Variants in ZNF799 observed in about 807,000 individuals in gnomAD.
ZNF799 encodes the protein zinc finger protein 799, also known as zinc finger protein 14.
Under a neutral mutation model 41.0 loss-of-function variants are expected in ZNF799, and 28 were observed. The observed-to-expected ratio is 0.68, with a 90% CI of 0.51 to 0.94. The LOEUF is 0.94. Ranked by LOEUF, ZNF799 falls within the 40% of genes least tolerant of loss-of-function variation. ZNF799 has a pLI of 0.00. For synonymous variants in ZNF799, 213 were observed against 252.9 expected (o/e 0.84, Z 1.50); for missense variants, 716 against 764.3 (o/e 0.94, Z 0.74).
chr19:12,404,981 G>T (rs997567910), upstream of ZNF799, among the ~76,000 whole-genome samples: 3 of 152,048 alleles, frequency 2.0e-5, no homozygotes, highest in Admixed American at 1.3e-4. Context: ...TAATCTGGTG[G>T]GCACAATCTA....
chr19:12,400,790 A>C (rs1323932726), intron 1 of ZNF799: 1 of 583,762 alleles, frequency 1.7e-6, no homozygotes, highest in African/African-American at 2.0e-5. Context: ...TGTGTTGCTT[A>C]CAGCCGCACA....
chr19:12,412,636 C>T, the ZNF799 span, among the ~76,000 whole-genome samples: 258 of 151,856 alleles, frequency 1.7e-3, no homozygotes, highest in African/African-American at 5.8e-3. Context: ...ATTATTAGGC[C>T]CCGACCAGGA....
At chr19:12,394,651 C>T in intron 1 of ZNF799, 1 of 985,048 alleles carries the variant, frequency 1.0e-6, no homozygotes, top group Non-Finnish European at 1.2e-6. Flanking sequence ...TTGAGTAACG[C>T]CAAAGGGGAA....
chr19:12,405,167 G>GC (rs1236520607), upstream of ZNF799, among the ~76,000 whole-genome samples: 2 of 151,990 alleles, frequency 1.3e-5, no homozygotes, highest in Non-Finnish European at 2.9e-5. Context: ...TTTGCAGACA[G>GC]CCTATTGTGG....
upstream of ZNF799, among the ~76,000 whole-genome samples, chr19:12,405,385 A>C (rs192317445): frequency 2.4e-4 from 36 of 152,308 alleles, no homozygotes; most frequent in Non-Finnish European, 4.0e-4. Flanking sequence ...CCATGCATGC[A>C]CAGGAAAGAA....
chr19:12,392,124 C>T lies in ZNF799; in HGVS notation c.274G>A (p.Val92Met), dbSNP rs1328982864. The part of the protein sequence containing the change: ...ETSSQIQDSI[V>M]TKNTLPGVGP... The stretch of plus-strand genomic sequence containing the variant: ...ACTCCAGGAAGAGTGTTCTTGGTCA[C>T]AATACTATCTTGAATCTGGCTAGAT... Residue 92 changes from valine (V) to methionine (M), a missense_variant, in exon 4 of 4, where the codon GTG (valine) becomes ATG (methionine). By Grantham distance (21) the Val-to-Met change is conservative. Around this residue, in one of 2 missense-constraint regions of ZNF799, gnomAD observed 698 missense variants for 713.6 expected, o/e 0.98. Transcript: ENST00000430385. 3.7e-6 allele frequency: 6 copies of T among 1,614,040 alleles called. No homozygotes were observed. Among genetic ancestry groups the T allele is most frequent in the Non-Finnish European group, 5.1e-6 (6 of 1,179,922 alleles).
At chr19:12,413,757 G>C in the ZNF799 span, among the ~76,000 whole-genome samples, 1 of 151,502 alleles carries the variant, frequency 6.6e-6, no homozygotes, top group Non-Finnish European at 1.5e-5. Flanking sequence ...GGGACTTACT[G>C]TGACCCCTAT....
chr19:12,391,001 T>G lies in ZNF799; in HGVS notation c.1397A>C (p.His466Pro). The G allele has an allele frequency of 6.2e-7, 1 of 1,614,178 alleles. No homozygotes were observed. Among genetic ancestry groups the G allele is most frequent in the Non-Finnish European group, 8.5e-7 (1 of 1,180,006 alleles). The change falls in exon 4 of 4, where the codon CAC (histidine) becomes CCC (proline). Residue 466 changes from histidine to proline, a missense_variant. Physicochemically the swap from His to Pro is moderately conservative, Grantham distance 77. Around this residue, in one of 2 missense-constraint regions of ZNF799, gnomAD observed 698 missense variants for 713.6 expected, o/e 0.98. Transcript: ENST00000430385. ...CTTCTCTCCAGCATGAGTTGTTTTG[T>G]GATTTTGAAAGGAATAGAAATCAAT... The part of the protein sequence containing the change: ...AFIDFYSFQN[H>P]KTTHAGEKPY...
intron 3 of ZNF799, among the ~76,000 whole-genome samples, 161 bp downstream of exon 3, chr19:12,392,442 T>G (rs930271770): frequency 6.6e-6 from 1 of 152,212 alleles, no homozygotes; most frequent in African/African-American, 2.4e-5. Flanking sequence ...TTATGAACAC[T>G]GAACAGCTAT....
intron 1 of ZNF799, among the ~76,000 whole-genome samples, chr19:12,397,077 G>T (rs1331678023): frequency 6.6e-6 from 1 of 152,180 alleles, no homozygotes; most frequent in Non-Finnish European, 1.5e-5. Flanking sequence ...ACAATGTATT[G>T]GGTGGTTATA....
At chr19:12,401,725 C>A (rs532784635), upstream of ZNF799, among the ~76,000 whole-genome samples, 157 of 151,458 alleles carry the variant, frequency 1.0e-3, no homozygotes, top group Admixed American at 1.1e-3. Context: ...CAGGTGCGCG[C>A]CACCACACCC....
chr19:12,409,858 A>C, the ZNF799 span, among the ~76,000 whole-genome samples: 1 of 152,114 alleles, frequency 6.6e-6, no homozygotes, highest in Admixed American at 6.6e-5. Flanking sequence ...AGAAAACTAT[A>C]TCTTAGGGCC....
intron 1 of ZNF799, chr19:12,394,887 T>C (rs1599606942): frequency 6.1e-6 from 6 of 984,102 alleles, no homozygotes; most frequent in Non-Finnish European, 7.2e-6. Flanking sequence ...TGGCACCCCG[T>C]ACTATTAACA....
rs773758725 is a variant in ZNF799 at position 12,391,321 on chromosome 19, G to A, written c.1077C>T (p.His359=). 1 of 1,614,190 alleles carries A rather than the reference G, an allele frequency of 6.2e-7. No homozygotes were observed. Among genetic ancestry groups the A allele is most frequent in the Non-Finnish European group, 8.5e-7 (1 of 1,180,024 alleles). The change falls in exon 4 of 4, where the codon CAC becomes CAT. Residue 359 remains histidine (H), a synonymous_variant. Coordinates refer to ENST00000430385, the MANE Select transcript of ZNF799 (RefSeq NM_001080821.3). The stretch of plus-strand genomic sequence containing the variant: ...TGCATTCATAGAGTTTCTCTCCAGT[G>A]TGAGTTCTTTCATGACTTTTCAGTG... The part of the protein sequence containing the change: ...PSSLKSHERT[H]TGEKLYECKQ...
At chr19:12,405,479 A>G (rs1970023375), upstream of ZNF799, among the ~76,000 whole-genome samples, 2 of 152,220 alleles carry the variant, frequency 1.3e-5, no homozygotes, top group Admixed American at 1.3e-4. Context: ...AATAAATGCT[A>G]AAGTAGGATT....
intron 1 of ZNF799, among the ~76,000 whole-genome samples, chr19:12,399,931 TGACCCACCGTGTTCAGGA>T (rs2144907115): frequency 6.6e-6 from 1 of 152,312 alleles, no homozygotes; most frequent in South Asian, 2.1e-4. Context: ...ATTACAGGAA[TGACCCACCGTGTTCAGGA>T]ACCCAAAATA....
At chr19:12,398,377 A>C (rs1414010531) in intron 1 of ZNF799, 1 of 152,252 alleles carries the variant, frequency 6.6e-6, no homozygotes, top group Non-Finnish European at 1.5e-5. Context: ...TGGATATTTA[A>C]AAACAAAATA....
the ZNF799 span, among the ~76,000 whole-genome samples, chr19:12,412,964 G>C: frequency 6.7e-6 from 1 of 149,084 alleles, no homozygotes; most frequent in East Asian, 2.0e-4. Flanking sequence ...CCGGGAGGCA[G>C]AGGTGATGGT....
At chr19:12,411,374 A>G in the ZNF799 span, among the ~76,000 whole-genome samples, 1 of 152,158 alleles carries the variant, frequency 6.6e-6, no homozygotes, top group Non-Finnish European at 1.5e-5. Flanking sequence ...AAAATAGCCA[A>G]TTCTAAAACA....
Sources: gnomAD v4.1 joint callset for allele counts (sites outside exome capture counted in the v4.1 genomes callset) on GRCh38, gnomAD v4.1.1 for gene constraint, gnomAD v4.1.1 regional missense constraint, MANE v1.5 for transcripts, NCBI Gene and HGNC (gene_info 2026-07-23, HGNC 2026-07-21) for gene names.